The following NAA25 variants were observed in gnomAD, a reference collection of about 807,000 sequenced individuals.
NAA25 encodes N-terminal acetyltransferase B complex subunit NAA25.
Under a neutral mutation model 132.5 loss-of-function variants are expected in NAA25, and 30 were observed. The ratio of observed to expected loss-of-function variants is 0.23; its 90% CI spans 0.17 to 0.31. The LOEUF (loss-of-function observed/expected upper bound fraction) is 0.31. Among genes scored for constraint, NAA25 ranks in the 10% least tolerant of loss-of-function variants. The pLI is 1.00. For synonymous variants in NAA25, 359 were observed against 401.9 expected (o/e 0.89, Z 1.28); for missense variants, 771 against 1,150.4 (o/e 0.67, Z 4.77).
At chr12:112,091,835 C>A (rs537916216) in intron 2 of NAA25, among the ~76,000 whole-genome samples, 5 of 152,256 alleles carry the variant, frequency 3.3e-5, no homozygotes, top group Non-Finnish European at 7.3e-5. Context: ...GCACTCCAGG[C>A]TGGGTGATAG....
In NAA25 at chr12:112,047,735, C is replaced by G; in HGVS notation, c.1936G>C (p.Asp646His). The change falls in exon 17 of 24, where the codon GAC becomes CAC. Residue 646 changes from aspartate to histidine, a missense_variant. Asp to His is a moderately conservative substitution (Grantham distance 81). This residue lies in a region of NAA25 where 324 missense variants were observed against 400.0 expected (regional missense o/e 0.81). Transcript: ENST00000261745. ...TCTCGCAAATCTTCCCATGGAATGTCATCTTCTTCTGGCCTAAGGTTCATT... is the reference window on the plus strand; with the variant it reads ...TCTCGCAAATCTTCCCATGGAATGTGATCTTCTTCTGGCCTAAGGTTCATT... ...KSMNLRPEED[D>H]IPWEDLRDNR... The G allele has an allele frequency of 6.2e-7, 1 of 1,613,926 alleles. No individual in the cohort carries two copies.
intron 11 of NAA25, among the ~76,000 whole-genome samples, chr12:112,065,117 T>C (rs2078696520): frequency 6.6e-6 from 1 of 152,086 alleles, no homozygotes; most frequent in African/African-American, 2.4e-5. Context: ...TCCCAGCACT[T>C]TGGGAGGCCA....
chr12:112,051,166 T>C (rs898403283), intron 15 of NAA25, among the ~76,000 whole-genome samples: 1 of 152,202 alleles, frequency 6.6e-6, no homozygotes, highest in African/African-American at 2.4e-5. Flanking sequence ...ACAGTCTCTA[T>C]CTGGCACTCA....
intron 9 of NAA25, among the ~76,000 whole-genome samples, chr12:112,074,455 T>C (rs946335745): frequency 2.0e-5 from 3 of 151,398 alleles, no homozygotes; most frequent in Non-Finnish European, 4.4e-5. Context: ...TTTGGAATGG[T>C]AGGATAAGTG....
At chr12:112,032,486 C>T (rs1311781311) in intron 23 of NAA25, among the ~76,000 whole-genome samples, 1 of 152,176 alleles carries the variant, frequency 6.6e-6, no homozygotes, top group Non-Finnish European at 1.5e-5. Flanking sequence ...TAAATTCCCT[C>T]ATCAGCAGTT....
At chr12:112,106,128 C>T (rs2079358601) in intron 1 of NAA25, among the ~76,000 whole-genome samples, 1 of 152,182 alleles carries the variant, frequency 6.6e-6, no homozygotes, top group Non-Finnish European at 1.5e-5. Context: ...TACTAATCGC[C>T]TTAGAATTAC....
intron 3 of NAA25, among the ~76,000 whole-genome samples, chr12:112,089,251 A>C (rs1000582845): frequency 1.2e-4 from 19 of 152,198 alleles, no homozygotes; most frequent in Non-Finnish European, 2.2e-4. Flanking sequence ...ATTGGCAAAA[A>C]TGATTAAGGT....
intron 11 of NAA25, among the ~76,000 whole-genome samples, chr12:112,062,616 C>T (rs1281650481): frequency 2.0e-5 from 3 of 151,572 alleles, no homozygotes; most frequent in African/African-American, 7.3e-5. Flanking sequence ...ATCCCAACTA[C>T]TCAGGAGGGT....
Position 112,037,126 on chromosome 12 carries a change from G to A in NAA25, c.2649+2103C>T, listed in dbSNP as rs1363174081. ...AGCGCCCTAAAACTGATGAGGACAT[G>A]TTAAAGGACAGAAACCAGCTTAAAG... On this transcript the variant is annotated intron_variant, in intron 22 of 23. Coordinates refer to ENST00000261745, the MANE Select transcript of NAA25 (RefSeq NM_024953.4). 2.6e-5 allele frequency among the ~76,000 whole-genome samples: 4 copies of A among 151,868 alleles called. No individual in the cohort carries two copies. The South Asian group carries it at 8.3e-4, about 31-fold the overall frequency.
chr12:112,032,170 G>T (rs2136794843), intron 23 of NAA25, among the ~76,000 whole-genome samples: 1 of 152,038 alleles, frequency 6.6e-6, no homozygotes, highest in South Asian at 2.1e-4. Context: ...GTTTCACCGT[G>T]TTAGCCAGGA....
In NAA25 at chr12:112,078,344, A is replaced by G. The variant is rs1593807214; in HGVS notation, c.586-78T>C. On this transcript the variant is annotated intron_variant, in intron 6 of 23. Transcript: ENST00000261745. ...AGACAGTCATTTATAGGTTTTTAAAAAGTTATTTAATAGAGCATGTCTTCA... is the reference window on the plus strand; with the variant it reads ...AGACAGTCATTTATAGGTTTTTAAAGAGTTATTTAATAGAGCATGTCTTCA... The G allele has an allele frequency of 6.4e-6, 7 of 1,097,176 alleles. No homozygotes were observed. The East Asian group carries it at 1.7e-4, about 26-fold the overall frequency. 68.0% of individuals were successfully genotyped at this position (1,097,176 alleles called of 1,614,324 possible). A position where few individuals can be genotyped will look rare whatever the true frequency, so the allele number is the denominator to read the frequency against.
At chr12:112,078,802 C>T (rs2078929472) in intron 5 of NAA25, 61 bp from the exon 6 acceptor site, 3 of 1,320,536 alleles carry the variant, frequency 2.3e-6, no homozygotes, top group Middle Eastern at 1.8e-4. Context: ...TTGATATTAA[C>T]ATTACTGTTA....
At chr12:112,106,453 C>A (rs770147704) in intron 1 of NAA25, among the ~76,000 whole-genome samples, 1 of 151,844 alleles carries the variant, frequency 6.6e-6, no homozygotes, top group African/African-American at 2.4e-5. Flanking sequence ...AAACTATGAA[C>A]CCTGGATTCA....
At position 112,059,136 on chromosome 12, in the gene NAA25, G is replaced by A. The variant is rs1325515431; in HGVS notation, c.1447+1134C>T. 5.3e-5 allele frequency among the ~76,000 whole-genome samples: 7 copies of A among 132,720 alleles called. No homozygotes were observed. The East Asian group carries it at 1.1e-3, about 20-fold the overall frequency. 87.1% of individuals were successfully genotyped at this position (132,720 alleles called of 152,430 possible). The stretch of plus-strand genomic sequence containing the variant: ...AAAAAAAAAAAAACTAGCTGGGCTT[G>A]GTGGCATGTGCCTGTAAACCCATCT... On this transcript the variant is annotated intron_variant, in intron 13 of 23. Coordinates refer to ENST00000261745, the MANE Select transcript of NAA25 (RefSeq NM_024953.4).
At chr12:112,095,698 A>G (rs917809381) in intron 1 of NAA25, among the ~76,000 whole-genome samples, 2 of 152,102 alleles carry the variant, frequency 1.3e-5, no homozygotes. Flanking sequence ...AGGAAGCCTT[A>G]TATTCATATT....
At chr12:112,076,690 T>C (rs116126208) in intron 7 of NAA25, among the ~76,000 whole-genome samples, 16 of 151,228 alleles carry the variant, frequency 1.1e-4, no homozygotes, top group African/African-American at 3.9e-4. Context: ...AGAGCTATAA[T>C]GTAGTTTAAA....
intron 11 of NAA25, among the ~76,000 whole-genome samples, chr12:112,067,056 T>C (rs893582875): frequency 6.6e-6 from 1 of 151,802 alleles, no homozygotes; most frequent in Admixed American, 6.6e-5. Context: ...ACAAAAATCA[T>C]CCAGGCATAG....
chr12:112,031,071 C>T (rs2078143595), intron 23 of NAA25, among the ~76,000 whole-genome samples: 1 of 152,092 alleles, frequency 6.6e-6, no homozygotes, highest in Non-Finnish European at 1.5e-5. Flanking sequence ...TGAGCCACTA[C>T]ACCTGGCCGA....
At chr12:112,086,423 G>A (rs1012270091) in intron 4 of NAA25, among the ~76,000 whole-genome samples, 1 of 151,608 alleles carries the variant, frequency 6.6e-6, no homozygotes, top group Non-Finnish European at 1.5e-5. Context: ...TTCAACCTGG[G>A]AGGCCAGGTT....
Sources: allele counts gnomAD v4.1 joint callset (sites outside exome capture counted in the v4.1 genomes callset), GRCh38; gene constraint gnomAD v4.1.1; regional missense constraint gnomAD v4.1.1; transcripts MANE v1.5; gene names NCBI Gene and HGNC (gene_info 2026-07-23, HGNC 2026-07-21).